The following DLGAP2 variants were observed in gnomAD, a reference collection of about 807,000 sequenced individuals.
DLGAP2 encodes disks large-associated protein 2.
Under a neutral mutation model 100.3 loss-of-function variants are expected in DLGAP2, and 26 were observed. That is an observed-to-expected ratio of 0.26 (90% CI 0.19 to 0.36). The LOEUF (loss-of-function observed/expected upper bound fraction) is 0.36, where lower values mean the gene tolerates loss of function less well. Among genes scored for constraint, DLGAP2 ranks in the 10% least tolerant of loss-of-function variants. DLGAP2 has a pLI of 1.00. For missense variants in DLGAP2, 1,858 were observed against 1,453.2 expected (o/e 1.28, Z -4.53); for synonymous variants, 886 against 630.1 (o/e 1.41, Z -6.08).
In DLGAP2 at chr8:834,094, G is replaced by T. The variant is rs191238495; in HGVS notation, c.19-73818G>T. 5.3e-5 allele frequency among the ~76,000 whole-genome samples: 8 copies of T among 152,304 alleles called. No homozygotes were observed. The East Asian group carries it at 7.7e-4, about 15-fold the overall frequency. On this transcript the variant is annotated intron_variant, in intron 1 of 14. Coordinates refer to ENST00000637795, the MANE Select transcript of DLGAP2 (RefSeq NM_001346810.2). ...GAAGCAGAAACCAGGGCTGAATCAC[G>T]TTCCCAGGCAACTCAGCGTTGCCTA...
intron 6 of DLGAP2, among the ~76,000 whole-genome samples, chr8:1,577,558 ACT>A: frequency 9.3e-6 from 1 of 107,588 alleles, no homozygotes; most frequent in African/African-American, 4.4e-5. Flanking sequence ...ACAGAATTAC[ACT>A]CTCTCTCAAA....
intron 5 of DLGAP2, among the ~76,000 whole-genome samples, chr8:1,561,448 A>G (rs938432532): frequency 6.6e-5 from 10 of 152,152 alleles, no homozygotes; most frequent in Non-Finnish European, 1.5e-4. Context: ...TCACGGTCAC[A>G]GTTCAGGATC....
chr8:765,498 C>G (rs920117477), intron 1 of DLGAP2, among the ~76,000 whole-genome samples: 2 of 151,994 alleles, frequency 1.3e-5, no homozygotes, highest in African/African-American at 4.8e-5. Flanking sequence ...TTGCCAGATA[C>G]GTGGCATTTG....
intron 2 of DLGAP2, among the ~76,000 whole-genome samples, chr8:915,183 G>T (rs1798564542): frequency 6.6e-6 from 1 of 152,178 alleles, no homozygotes; most frequent in Admixed American, 6.5e-5. Context: ...CTGCAACTCA[G>T]CCTGCATCTG....
At chr8:1,107,281 T>C (rs1331450217) in intron 2 of DLGAP2, among the ~76,000 whole-genome samples, 1 of 152,166 alleles carries the variant, frequency 6.6e-6, no homozygotes, top group Non-Finnish European at 1.5e-5. Flanking sequence ...TGAGGGTGAC[T>C]GAGTGCTTTC....
intron 2 of DLGAP2, among the ~76,000 whole-genome samples, chr8:1,164,587 C>A (rs571527645): frequency 6.6e-6 from 1 of 152,058 alleles, no homozygotes; most frequent in Non-Finnish European, 1.5e-5. Flanking sequence ...TATTCTAAGC[C>A]CAGATGCCAC....
chr8:1,705,057 G>A lies in DLGAP2; in HGVS notation c.*3651G>A, dbSNP rs946991912. Reference sequence around the variant, plus strand: ...TAGATCCTTGTAAGCATCGCTACCCGAGTCCAGGATGGAATTTCACAGGAA... The same window carrying A: ...TAGATCCTTGTAAGCATCGCTACCCAAGTCCAGGATGGAATTTCACAGGAA... On this transcript the variant is annotated 3_prime_UTR_variant, in exon 15 of 15. Coordinates refer to ENST00000637795, the MANE Select transcript of DLGAP2 (RefSeq NM_001346810.2). 6.6e-6 allele frequency: 1 copy of A among 152,210 alleles called. No individual in the cohort carries two copies. The highest frequency in any genetic ancestry group is 1.9e-4 in the East Asian group (1 of 5,198). The allele number at this position is 152,210 out of a possible 1,614,324, so 9.4% of individuals were successfully genotyped here. A position where few individuals can be genotyped will look rare whatever the true frequency, so the allele number is the denominator to read the frequency against.
chr8:1,585,380 C>A (rs983971036), intron 6 of DLGAP2, among the ~76,000 whole-genome samples: 3 of 152,076 alleles, frequency 2.0e-5, no homozygotes, highest in Non-Finnish European at 4.4e-5. Flanking sequence ...AGGAGAATTG[C>A]GTGAATCTGG....
intron 8 of DLGAP2, among the ~76,000 whole-genome samples, chr8:1,665,673 C>A (rs1798525945): frequency 6.6e-6 from 1 of 152,260 alleles, no homozygotes; most frequent in South Asian, 2.1e-4. Context: ...AACGCAGAGC[C>A]AGCTTTGCCA....
At chr8:1,304,627 T>G (rs1394409302) in intron 3 of DLGAP2, among the ~76,000 whole-genome samples, 1 of 152,120 alleles carries the variant, frequency 6.6e-6, no homozygotes, top group Non-Finnish European at 1.5e-5. Context: ...ATAATTAAAT[T>G]TATATGGCTA....
At chr8:848,208 T>C (rs1018413017) in intron 1 of DLGAP2, among the ~76,000 whole-genome samples, 4 of 152,248 alleles carry the variant, frequency 2.6e-5, no homozygotes, top group African/African-American at 7.2e-5. Context: ...GACTTATCTA[T>C]ATTGCTATAT....
At chr8:1,590,147 A>G (rs1187357944) in intron 6 of DLGAP2, among the ~76,000 whole-genome samples, 1 of 152,018 alleles carries the variant, frequency 6.6e-6, no homozygotes, top group Admixed American at 6.5e-5. Flanking sequence ...TCCTCTTCTC[A>G]TAAGAGCACT....
chr8:936,937 A>G (rs1171585415), intron 2 of DLGAP2, among the ~76,000 whole-genome samples: 2 of 152,178 alleles, frequency 1.3e-5, no homozygotes, highest in African/African-American at 2.4e-5. Context: ...CGTGACGTCA[A>G]TGGGTAATCA....
chr8:1,537,946 G>A (rs17064068), intron 4 of DLGAP2, among the ~76,000 whole-genome samples: 16,266 of 152,232 alleles, frequency 0.11, 1,108 homozygotes, highest in Middle Eastern at 0.19. Flanking sequence ...TGGATGGAGT[G>A]GCCATAAGTA....
intron 2 of DLGAP2, among the ~76,000 whole-genome samples, chr8:1,055,500 T>C (rs1302985393): frequency 6.6e-6 from 1 of 152,232 alleles, no homozygotes; most frequent in Non-Finnish European, 1.5e-5. Context: ...TTTTTCTACT[T>C]AAAGTCTGTT....
intron 2 of DLGAP2, among the ~76,000 whole-genome samples, chr8:1,010,527 CACAT>C (rs1177404757): frequency 2.6e-5 from 4 of 152,236 alleles, no homozygotes; most frequent in Non-Finnish European, 5.9e-5. Flanking sequence ...CGCCCACACA[CACAT>C]ACAGAGTTCG....
chr8:1,040,177 GGTTT>G (rs1802289233), intron 2 of DLGAP2, among the ~76,000 whole-genome samples: 1 of 137,236 alleles, frequency 7.3e-6, no homozygotes, highest in African/African-American at 3.0e-5. Context: ...TTGTCAGCTC[GGTTT>G]CCATGGTCAG....
intron 3 of DLGAP2, among the ~76,000 whole-genome samples, chr8:1,261,118 C>G (rs145608585): frequency 0.01 from 1,514 of 150,978 alleles, 15 homozygotes; most frequent in Non-Finnish European, 0.015. Flanking sequence ...ACTTCCAGAT[C>G]TTTAAAACCA....
rs970832803 is a variant in DLGAP2, at chr8:1,668,682, G to A, written c.2160+4G>A. On this transcript the variant is annotated splice_donor_region_variant and intron_variant, in intron 9 of 14. Coordinates refer to ENST00000637795, the MANE Select transcript of DLGAP2 (RefSeq NM_001346810.2). The stretch of plus-strand genomic sequence containing the variant: ...CTGCTCCTCCATCGGGATTCAGGTA[G>A]CTGCTCTTGGCCGCCCGTCAGGGCC... The A allele has an allele frequency of 1.3e-6, 2 of 1,522,958 alleles. No homozygotes were observed. Among genetic ancestry groups the A allele is most frequent in the Non-Finnish European group, 1.8e-6 (2 of 1,131,850 alleles). The allele number at this position is 1,522,958 out of a possible 1,614,324, so 94.3% of individuals were successfully genotyped here. A position where few individuals can be genotyped will look rare whatever the true frequency, so the allele number is the denominator to read the frequency against.
Sources: allele counts gnomAD v4.1 joint callset (sites outside exome capture counted in the v4.1 genomes callset), GRCh38; gene constraint gnomAD v4.1.1; transcripts MANE v1.5; gene names NCBI Gene and HGNC (gene_info 2026-07-23, HGNC 2026-07-21).